The following CDH13 variants were observed in gnomAD, a reference collection of about 807,000 sequenced individuals.
CDH13 encodes the protein cadherin-13.
CDH13 carries 24 observed loss-of-function variants against 63.8 expected under a neutral mutation model. That is an observed-to-expected ratio of 0.38 (90% CI 0.27 to 0.53). The LOEUF (loss-of-function observed/expected upper bound fraction) is 0.53. Ranked by LOEUF, CDH13 falls within the 20% of genes least tolerant of loss-of-function variation. The pLI, the probability that CDH13 is intolerant of heterozygous loss-of-function variation, is 0.85. For synonymous variants in CDH13, 503 were observed against 355.3 expected (o/e 1.42, Z -4.67); for missense variants, 1,049 against 903.1 (o/e 1.16, Z -2.07).
At chr16:82,927,234 T>C (rs563552333) in intron 2 of CDH13, among the ~76,000 whole-genome samples, 2 of 152,294 alleles carry the variant, frequency 1.3e-5, no homozygotes, top group South Asian at 4.1e-4. Flanking sequence ...GACTTTACCA[T>C]ATTTTATAGC....
At chr16:82,903,047 A>T (rs1320985666) in intron 2 of CDH13, among the ~76,000 whole-genome samples, 7 of 152,186 alleles carry the variant, frequency 4.6e-5, no homozygotes, top group Non-Finnish European at 1.0e-4. Context: ...TTGAATCCTT[A>T]CAACAACTCT....
intron 10 of CDH13, among the ~76,000 whole-genome samples, chr16:83,732,390 T>A (rs542392260): frequency 6.6e-6 from 1 of 152,258 alleles, no homozygotes; most frequent in African/African-American, 2.4e-5. Flanking sequence ...AGAGCCTGGC[T>A]AGCTTTGGAC....
chr16:83,347,564 A>G (rs1258945521), intron 6 of CDH13, among the ~76,000 whole-genome samples: 3 of 152,218 alleles, frequency 2.0e-5, no homozygotes, highest in Non-Finnish European at 2.9e-5. Context: ...GCCAGCAGCC[A>G]TATATGTACA....
chr16:83,266,072 G>T (rs373909254), intron 5 of CDH13, among the ~76,000 whole-genome samples: 27 of 152,152 alleles, frequency 1.8e-4, no homozygotes, highest in African/African-American at 6.3e-4. Context: ...TAGTACCTGA[G>T]ATTACAGGCG....
At chr16:83,034,181 G>A (rs8061142) in intron 3 of CDH13, among the ~76,000 whole-genome samples, 20,222 of 152,024 alleles carry the variant, frequency 0.13, 1,576 homozygotes, top group African/African-American at 0.22. Context: ...CGTGCTCGTG[G>A]CAGATATTGC....
At chr16:83,775,047 C>G (rs1915011768) in intron 11 of CDH13, among the ~76,000 whole-genome samples, 1 of 151,838 alleles carries the variant, frequency 6.6e-6, no homozygotes, top group Non-Finnish European at 1.5e-5. Context: ...AGCTTGCTTT[C>G]ATGGTTAAAA....
rs144527221 is a variant in CDH13 at position 83,306,546 on chromosome 16, A to G, written c.637-38316A>G. On this transcript the variant is annotated intron_variant, in intron 5 of 13. Transcript: ENST00000567109. ...TTCTCTACCTTGTTGTGACAGCTCA[A>G]AAGTCCTCCCTAGAAGTCAGCGCCG... Among the ~76,000 whole-genome samples, 772 of 152,308 alleles carry G rather than the reference A, an allele frequency of 5.1e-3. 6 individuals carry two copies. Among genetic ancestry groups the G allele is most frequent in the Non-Finnish European group, 8.7e-3 (589 of 68,026 alleles).
chr16:83,586,152 A>T, intron 7 of CDH13, among the ~76,000 whole-genome samples: 1 of 149,184 alleles, frequency 6.7e-6, no homozygotes, highest in East Asian at 1.9e-4. Flanking sequence ...GCCCGGATGA[A>T]CTGGCAAGCG....
In CDH13 at chr16:82,740,916, G is replaced by C. The variant is rs138339450; in HGVS notation, c.45+113779G>C. 7.8e-3 allele frequency among the ~76,000 whole-genome samples: 1,182 copies of C among 152,186 alleles called. 12 individuals are homozygous for C. Among genetic ancestry groups the C allele is most frequent in the African/African-American group, 0.025 (1,042 of 41,510 alleles). On this transcript the variant is annotated intron_variant, in intron 1 of 13. Coordinates refer to ENST00000567109, the MANE Select transcript of CDH13 (RefSeq NM_001257.5). ...ATTCGATCACAGCTGCTTTGTTTTA[G>C]GGTTTATATAAAAGAAATAACTTTA...
chr16:83,463,269 G>A (rs2073225576), intron 6 of CDH13, among the ~76,000 whole-genome samples: 1 of 152,192 alleles, frequency 6.6e-6, no homozygotes, highest in African/African-American at 2.4e-5. Flanking sequence ...CATCAGCCAG[G>A]ATGGGCCAGC....
chr16:83,185,583 A>G (rs575169188), intron 4 of CDH13, among the ~76,000 whole-genome samples: 1 of 152,330 alleles, frequency 6.6e-6, no homozygotes, highest in African/African-American at 2.4e-5. Flanking sequence ...GAACAGTATC[A>G]CTTCATCTAA....
rs71148805 is a variant in CDH13 at position 83,052,776 on chromosome 16, C to CAAAAA, written c.366+20582_366+20586dup. Among the ~76,000 whole-genome samples, 53 of 92,862 alleles carry CAAAAA rather than the reference C, an allele frequency of 5.7e-4. 5 individuals are homozygous for CAAAAA. Among genetic ancestry groups the CAAAAA allele is most frequent in the South Asian group, 1.4e-3 (4 of 2,856 alleles). 60.9% of individuals were successfully genotyped at this position (92,862 alleles called of 152,430 possible). A position where few individuals can be genotyped will look rare whatever the true frequency, so the allele number is the denominator to read the frequency against. ...TGGGTGACAGGGCGAGACTTTATCT[C>CAAAAA]AAAAAAAAAAAAAAAAAAAAAAAAA... is the stretch of plus-strand genomic sequence containing the variant. On this transcript the variant is annotated intron_variant, in intron 3 of 13. Transcript: ENST00000567109.
At chr16:82,718,881 C>T (rs757017126) in intron 1 of CDH13, among the ~76,000 whole-genome samples, 4 of 152,152 alleles carry the variant, frequency 2.6e-5, no homozygotes, top group Non-Finnish European at 5.9e-5. Context: ...ACAGCTAAAT[C>T]ATATCAAGTG....
chr16:83,494,890 A>G (rs1402016203), intron 7 of CDH13, among the ~76,000 whole-genome samples: 1 of 152,248 alleles, frequency 6.6e-6, no homozygotes, highest in Non-Finnish European at 1.5e-5. Flanking sequence ...AAAAGCCGTG[A>G]TCAACCTTAT....
intron 5 of CDH13, among the ~76,000 whole-genome samples, chr16:83,249,137 C>T (rs1905243086): frequency 6.6e-6 from 1 of 152,158 alleles, no homozygotes; most frequent in African/African-American, 2.4e-5. Context: ...TGTCGTTCTC[C>T]CTGAGTGAGT....
chr16:83,135,656 C>G (rs1313477699), intron 4 of CDH13, among the ~76,000 whole-genome samples: 3 of 152,156 alleles, frequency 2.0e-5, no homozygotes, highest in African/African-American at 7.2e-5. Flanking sequence ...CCATTTGATC[C>G]AGCAATCCCA....
chr16:82,989,903 C>G (rs1198215198), intron 2 of CDH13, among the ~76,000 whole-genome samples: 1 of 152,088 alleles, frequency 6.6e-6, no homozygotes, highest in Non-Finnish European at 1.5e-5. Context: ...AGCCCCACGT[C>G]TCCGTTCAAC....
At chr16:83,496,204 C>G (rs550469459) in intron 7 of CDH13, among the ~76,000 whole-genome samples, 1 of 151,772 alleles carries the variant, frequency 6.6e-6, no homozygotes. Context: ...ATCGCCAAGT[C>G]AATCCTAAGC....
At chr16:83,763,236 C>A (rs992947708) in intron 11 of CDH13, among the ~76,000 whole-genome samples, 33 of 152,044 alleles carry the variant, frequency 2.2e-4, no homozygotes, top group African/African-American at 8.0e-4. Flanking sequence ...AGATATAGAA[C>A]CAGGCATAAC....
Sources: gnomAD v4.1 joint callset for allele counts (sites outside exome capture counted in the v4.1 genomes callset) on GRCh38, gnomAD v4.1.1 for gene constraint, MANE v1.5 for transcripts, NCBI Gene and HGNC (gene_info 2026-07-23, HGNC 2026-07-21) for gene names.